Variants in APP observed in about 807,000 individuals in gnomAD.
APP encodes amyloid beta precursor protein.
A neutral mutation model predicts 101.4 loss-of-function variants in APP; 31 were observed. That is an observed-to-expected ratio of 0.31 (90% CI 0.23 to 0.41). The LOEUF is 0.41. APP is among the 10% of genes least tolerant of loss of function. The pLI, the probability that APP is intolerant of heterozygous loss-of-function variation, is 1.00. For synonymous variants in APP, 366 were observed against 364.4 expected, an observed-to-expected ratio of 1.00 and a Z score of -0.05; for missense variants, 839 against 1,003.7, an observed-to-expected ratio of 0.84 and a Z score of 2.22.
At chr21:26,081,302 CCG>C (rs1243755603) in intron 3 of APP, among the ~76,000 whole-genome samples, 17 of 142,794 alleles carry the variant, frequency 1.2e-4, no homozygotes, top group Non-Finnish European at 2.5e-4. Flanking sequence ...CAGGCTGAGT[CCG>C]AAAAAGAGTC....
At chr21:25,883,564 G>A (rs916952492) in intron 17 of APP, among the ~76,000 whole-genome samples, 1 of 151,938 alleles carries the variant, frequency 6.6e-6, no homozygotes, top group Non-Finnish European at 1.5e-5. Flanking sequence ...ACAGTAGCAC[G>A]TGCCTGTAGT....
At chr21:25,917,999 T>C (rs577124366) in intron 13 of APP, among the ~76,000 whole-genome samples, 2 of 151,270 alleles carry the variant, frequency 1.3e-5, no homozygotes, top group South Asian at 2.1e-4. Flanking sequence ...CTCACACCAG[T>C]TGGGATGGTG....
At chr21:25,969,917 A>AGGGGG (rs1212663982) in intron 11 of APP, among the ~76,000 whole-genome samples, 1 of 127,466 alleles carries the variant, frequency 7.8e-6, no homozygotes, top group Admixed American at 7.8e-5. Flanking sequence ...AGGGGAGGGG[A>AGGGGG]AGAGAAAAGG....
intron 2 of APP, among the ~76,000 whole-genome samples, chr21:26,110,666 C>A (rs2062297213): frequency 1.3e-5 from 2 of 151,766 alleles, no homozygotes; most frequent in Admixed American, 1.3e-4. Context: ...ACAAATTAAA[C>A]CTTTTAATAA....
intron 8 of APP, among the ~76,000 whole-genome samples, chr21:25,991,323 A>T (rs1423363237): frequency 6.6e-6 from 1 of 152,164 alleles, no homozygotes; most frequent in African/African-American, 2.4e-5. Context: ...GAAAAAAAAT[A>T]AAAATAAAAA....
chr21:25,921,599 T>G (rs1247647339), intron 13 of APP, among the ~76,000 whole-genome samples: 1 of 144,264 alleles, frequency 6.9e-6, no homozygotes, highest in African/African-American at 2.6e-5. Flanking sequence ...TACAAAAACC[T>G]CTACACAAAT....
intron 3 of APP, among the ~76,000 whole-genome samples, chr21:26,081,890 GATC>G (rs1302251095): frequency 6.6e-6 from 1 of 152,154 alleles, no homozygotes; most frequent in African/African-American, 2.4e-5. Flanking sequence ...TATTTCATGT[GATC>G]ATATCTGAAT....
intron 1 of APP, among the ~76,000 whole-genome samples, chr21:26,160,580 G>T (rs958503561): frequency 2.0e-5 from 3 of 151,914 alleles, no homozygotes; most frequent in African/African-American, 7.3e-5. Flanking sequence ...AGATAACAGA[G>T]GTAATAGAAT....
chr21:25,957,564 T>G (rs2041377461), intron 11 of APP, among the ~76,000 whole-genome samples: 1 of 152,224 alleles, frequency 6.6e-6, no homozygotes, highest in Non-Finnish European at 1.5e-5. Flanking sequence ...GGGCTGTGAC[T>G]AATCGCATTT....
At chr21:26,024,725 C>T (rs2044494049) in intron 5 of APP, among the ~76,000 whole-genome samples, 1 of 152,190 alleles carries the variant, frequency 6.6e-6, no homozygotes, top group Admixed American at 6.5e-5. Flanking sequence ...CCCCATGGAA[C>T]ACCTGACTCT....
At chr21:25,937,091 G>A (rs1299949888) in intron 13 of APP, among the ~76,000 whole-genome samples, 7 of 152,016 alleles carry the variant, frequency 4.6e-5, no homozygotes, top group South Asian at 2.1e-4. Context: ...CATTTGCCAC[G>A]CAAGTTCCCA....
chr21:25,994,965 C>A (rs1360547915), intron 8 of APP, among the ~76,000 whole-genome samples: 1 of 152,156 alleles, frequency 6.6e-6, no homozygotes, highest in Non-Finnish European at 1.5e-5. Context: ...TCTCTGTAGG[C>A]AGACAAGAAA....
At chr21:26,089,827 G>C in intron 3 of APP, 116 bp downstream of exon 3, 1 of 1,488,138 alleles carries the variant, frequency 6.7e-7, no homozygotes, top group Non-Finnish European at 9.2e-7. Flanking sequence ...GTACAACACA[G>C]AGTGGCAATG....
chr21:25,940,103 T>C (rs1003519258), intron 13 of APP, among the ~76,000 whole-genome samples: 1 of 152,150 alleles, frequency 6.6e-6, no homozygotes, highest in African/African-American at 2.4e-5. Context: ...CATTACCTAC[T>C]GCAATTTCTC....
chr21:26,035,176 A>T (rs527598864), intron 5 of APP, among the ~76,000 whole-genome samples: 38 of 152,178 alleles, frequency 2.5e-4, no homozygotes, highest in African/African-American at 8.4e-4. Context: ...GCTACTCAGG[A>T]GGATCTCCAG....
chr21:25,897,165 C>T lies in APP; in HGVS notation c.2064+408G>A, dbSNP rs370634231. 1.3e-4 allele frequency among the ~76,000 whole-genome samples: 20 copies of T among 151,186 alleles called. No homozygotes were observed. In the East Asian group the frequency reaches 2.1e-3, roughly 16 times the overall value. On this transcript the variant is annotated intron_variant, in intron 16 of 17. Coordinates refer to ENST00000346798, the MANE Select transcript of APP (RefSeq NM_000484.4). ...TTTTTGGGATGGAGTCTCGCTCTGTCGCCTAGGCACGATCTCAGCTCACTG... is the reference window on the plus strand; with the variant it reads ...TTTTTGGGATGGAGTCTCGCTCTGTTGCCTAGGCACGATCTCAGCTCACTG...
intron 6 of APP, among the ~76,000 whole-genome samples, chr21:26,021,046 CTTTTTTTTTT>C (rs144287372): frequency 1.8e-4 from 18 of 101,738 alleles, no homozygotes; most frequent in African/African-American, 5.9e-4. Context: ...CTCACCAAAT[CTTTTTTTTTT>C]TTTTTTTTTT....
chr21:26,071,904 T>G (rs1294370706), intron 3 of APP, among the ~76,000 whole-genome samples: 6 of 152,232 alleles, frequency 3.9e-5, no homozygotes, highest in Non-Finnish European at 5.9e-5. Flanking sequence ...AAAAGGTCAG[T>G]TCCCTCTCTT....
At chr21:26,078,212 C>T (rs1325862745) in intron 3 of APP, among the ~76,000 whole-genome samples, 4 of 152,124 alleles carry the variant, frequency 2.6e-5, no homozygotes, top group African/African-American at 9.7e-5. Context: ...TCCTTAATTT[C>T]ATTTCAGTAT....
Sources: allele counts gnomAD v4.1 joint callset (sites outside exome capture counted in the v4.1 genomes callset), GRCh38; gene constraint gnomAD v4.1.1; transcripts MANE v1.5; gene names NCBI Gene and HGNC (gene_info 2026-07-23, HGNC 2026-07-21).